The following PCF11 variants were observed in gnomAD, a reference collection of about 807,000 sequenced individuals.
PCF11 encodes pre-mRNA cleavage complex 2 protein Pcf11.
A neutral mutation model predicts 166.1 loss-of-function variants in PCF11; 19 were observed. The observed-to-expected ratio is 0.11, with a 90% confidence interval of 0.08 to 0.17. The LOEUF is 0.17. PCF11 is among the 10% of genes least tolerant of loss of function. The pLI is 1.00. For synonymous variants in PCF11, 663 were observed against 644.1 expected (o/e 1.03, Z -0.44); for missense variants, 1,565 against 1,855.5 (o/e 0.84, Z 2.88).
chr11:83,160,310 G>A (rs1024218720), intron 1 of PCF11, among the ~76,000 whole-genome samples: 1 of 148,520 alleles, frequency 6.7e-6, no homozygotes, highest in Non-Finnish European at 1.5e-5. Flanking sequence ...GGGTAAATGG[G>A]GATAACCTAA....
intron 9 of PCF11, among the ~76,000 whole-genome samples, chr11:83,173,535 TAGAG>T (rs1860763207): frequency 6.6e-6 from 1 of 150,936 alleles, no homozygotes; most frequent in Non-Finnish European, 1.5e-5. Flanking sequence ...TTTTTTTTTT[TAGAG>T]AATCAAATGA....
chr11:83,171,838 G>C (rs1860700878), exon 9 of PCF11: 1 of 1,595,742 alleles, frequency 6.3e-7, no homozygotes, highest in African/African-American at 1.3e-5. Flanking sequence ...GTGTTGCTCA[G>C]CCAGTAGCTT....
At chr11:83,164,281 A>G in exon 4 of PCF11, 1 of 1,613,828 alleles carries the variant, frequency 6.2e-7, no homozygotes. Context: ...TTCCTGATAT[A>G]CAAAAGAATC....
chr11:83,172,311 C>G (rs960852774), intron 9 of PCF11, among the ~76,000 whole-genome samples: 1 of 152,146 alleles, frequency 6.6e-6, no homozygotes, highest in African/African-American at 2.4e-5. Context: ...TTTGTGGGCA[C>G]TCAAATAGCA....
chr11:83,169,239 A>G, exon 8 of PCF11: 2 of 1,613,424 alleles, frequency 1.2e-6, no homozygotes, highest in Non-Finnish European at 1.7e-6. Context: ...CTGGTCTGAG[A>G]TTTGAGGGAC....
chr11:83,164,159 C>G (rs748222927), intron 3 of PCF11, 48 bp from the exon 4 acceptor site: 59 of 1,347,356 alleles, frequency 4.4e-5, no homozygotes, highest in Non-Finnish European at 6.0e-5. Context: ...TCCCTAGCTT[C>G]CGTTTTAGCT....
Position 83,161,309 on chromosome 11 carries a change from C to CA in PCF11, c.193-17dup, listed in dbSNP as rs1860244758. 1.3e-6 allele frequency: 2 copies of CA among 1,576,826 alleles called. No individual in the cohort carries two copies. Among genetic ancestry groups the CA allele is most frequent in the Non-Finnish European group, 1.7e-6 (2 of 1,163,074 alleles). On this transcript the variant is annotated splice_polypyrimidine_tract_variant and intron_variant, in intron 1 of 15. Transcript: ENST00000298281. Reference sequence around the variant, plus strand: ...TGGTAATTCATTATACTAAACTTCTCAGTTTCTTTTTATTCAGGCTCCTTC... The same window carrying CA: ...TGGTAATTCATTATACTAAACTTCTCAAGTTTCTTTTTATTCAGGCTCCTTC...
chr11:83,182,511 A>G lies in PCF11; in HGVS notation c.4416+20A>G, dbSNP rs202186977. ...GGAAAGGTAATTTTCATTTCTTTAT[A>G]AGGAAGTGTTAAGATTAGTGTTTTT... On this transcript the variant is annotated intron_variant, in intron 14 of 15. Transcript: ENST00000298281. 4.1e-5 allele frequency: 48 copies of G among 1,180,790 alleles called. No homozygotes were observed. The highest frequency in any genetic ancestry group is 5.8e-5 in the Non-Finnish European group (46 of 789,992). 73.1% of individuals were successfully genotyped at this position (1,180,790 alleles called of 1,614,324 possible).
rs558684887 is a variant in PCF11, at chr11:83,176,751, T to G, written c.3758-334T>G. On this transcript the variant is annotated intron_variant, in intron 9 of 15. Coordinates refer to ENST00000298281, the Ensembl canonical transcript of PCF11. ...TACCTAATGTAAATGACGAGTTGAT[T>G]GGTGCAGCAAATCAACATGGCACAT... Among the ~76,000 whole-genome samples, 163 of 152,000 alleles carry G rather than the reference T, an allele frequency of 1.1e-3. 1 individual carries two copies. The highest frequency in any genetic ancestry group is 1.7e-3 in the Non-Finnish European group (114 of 67,980).
In PCF11 at chr11:83,168,463, C is replaced by G. The variant is rs752488690; in HGVS notation, c.2128C>G (p.Arg710Gly). ...AGAGCAGAGATCTCCATTCAATGATCGTTTTCCACTTAAGCGACCTCGATA... is the reference window on the plus strand; with the variant it reads ...AGAGCAGAGATCTCCATTCAATGATGGTTTTCCACTTAAGCGACCTCGATA... The change falls in exon 8 of 16, where the codon CGT becomes GGT. Residue 710 changes from arginine to glycine, a missense_variant. Coordinates refer to ENST00000298281, the Ensembl canonical transcript of PCF11. The G allele has an allele frequency of 3.7e-6, 6 of 1,607,788 alleles. 1 individual carries two copies. Among genetic ancestry groups the G allele is most frequent in the South Asian group, 2.2e-5 (2 of 90,880 alleles).
intron 1 of PCF11, among the ~76,000 whole-genome samples, chr11:83,160,321 G>GTTTTTTT (rs35201107): frequency 4.1e-4 from 37 of 91,282 alleles, no homozygotes; most frequent in Admixed American, 5.1e-4. Context: ...GATAACCTAA[G>GTTTTTTT]TTTTTTTTTT....
At chr11:83,169,816 T>A (rs753160439) in exon 8 of PCF11, 1 of 1,613,608 alleles carries the variant, frequency 6.2e-7, no homozygotes, top group Non-Finnish European at 8.5e-7. Context: ...AATATTTGAT[T>A]CACCTCAAGG....
At position 83,166,333 on chromosome 11, in the gene PCF11, G is replaced by A. The variant is rs765888652; in HGVS notation, c.1436G>A (p.Arg479Gln). The A allele has an allele frequency of 1.1e-5, 18 of 1,613,654 alleles. No individual in the cohort carries two copies. In the African/African-American group the frequency reaches 1.6e-4, roughly 14 times the overall value. The change falls in exon 5 of 16, where the codon CGA (arginine) becomes CAA (glutamine). Residue 479 changes from arginine (R) to glutamine (Q), a missense_variant. By Grantham distance (43) the Arg-to-Gln change is conservative. Around this residue, in one of 12 missense-constraint regions of PCF11, gnomAD observed 468 missense variants for 483.4 expected, o/e 0.97. Transcript: ENST00000298281. ...CCAGGGAGATCGAGTACTAGAAAGC[G>A]ATCAAGATCTCGATCACCCAAGTCT...
In PCF11 at chr11:83,167,248, T is replaced by C. The variant is rs1860498751; in HGVS notation, c.1941T>C (p.Asp647=). ...AGCAACAGCATCGATTAAGTGTAGATGCCAATCTTCAGATTCCTAAAGAGT... is the reference window on the plus strand; with the variant it reads ...AGCAACAGCATCGATTAAGTGTAGACGCCAATCTTCAGATTCCTAAAGAGT... Residue 647 remains aspartate, a synonymous_variant, in exon 6 of 16, where the codon GAT becomes GAC. Coordinates refer to ENST00000298281, the Ensembl canonical transcript of PCF11. The surrounding 1 kb of genome is among the most constrained non-coding windows in gnomAD (Gnocchi z 4.2). 1.1e-5 allele frequency: 17 copies of C among 1,613,802 alleles called. No homozygotes were observed. The highest frequency in any genetic ancestry group is 1.4e-5 in the Non-Finnish European group (17 of 1,179,728).
intron 9 of PCF11, among the ~76,000 whole-genome samples, chr11:83,172,347 A>C (rs372134862): frequency 1.3e-5 from 2 of 152,212 alleles, no homozygotes; most frequent in Non-Finnish European, 2.9e-5. Context: ...AGCCAGGTTC[A>C]CTGATAAGCA....
At position 83,161,605 on chromosome 11, in the gene PCF11, A is replaced by G. The variant is rs547007767; in HGVS notation, c.318+153A>G. 1.3e-4 allele frequency among the ~76,000 whole-genome samples: 20 copies of G among 152,248 alleles called. No homozygotes were observed. The South Asian group carries it at 2.3e-3, about 17-fold the overall frequency. ...GTACCATTTCAAAGAAAGAGGCTGAAGTTAATGTTTTATGTTAGATTTTTA... is the reference window on the plus strand; with the variant it reads ...GTACCATTTCAAAGAAAGAGGCTGAGGTTAATGTTTTATGTTAGATTTTTA... On this transcript the variant is annotated intron_variant, in intron 2 of 15. Transcript: ENST00000298281.
chr11:83,165,910 T>C, exon 5 of PCF11: 1 of 1,607,762 alleles, frequency 6.2e-7, no homozygotes, highest in Non-Finnish European at 8.5e-7. Flanking sequence ...TCTGAAAAAC[T>C]AAATTCATCC....
At chr11:83,182,180 C>G (rs2135447911) in intron 13 of PCF11, among the ~76,000 whole-genome samples, 171 bp downstream of exon 13, 1 of 152,310 alleles carries the variant, frequency 6.6e-6, no homozygotes, top group Admixed American at 6.5e-5. Flanking sequence ...AGTTTCATAA[C>G]TACAGTGGCC....
rs901846945 is a variant in PCF11, at chr11:83,161,516, ATTTGC to A, written c.318+69_318+73del. The A allele has an allele frequency of 4.4e-5, 57 of 1,290,790 alleles. No individual in the cohort carries two copies. In the African/African-American group the frequency reaches 7.8e-4, roughly 18 times the overall value. The allele number at this position is 1,290,790 out of a possible 1,614,324, so 80.0% of individuals were successfully genotyped here. On this transcript the variant is annotated intron_variant, in intron 2 of 15. Coordinates refer to ENST00000298281, the Ensembl canonical transcript of PCF11. The stretch of plus-strand genomic sequence containing the variant: ...AAAATGTGTTCCTGATTAAATAAAT[ATTTGC>A]TTTGTGTTGGGTTTTCTTGGGTGGT...
Sources: allele counts gnomAD v4.1 joint callset (sites outside exome capture counted in the v4.1 genomes callset), GRCh38; gene constraint gnomAD v4.1.1; regional missense constraint gnomAD v4.1.1; non-coding constraint Gnocchi (gnomAD v3.1); transcripts MANE v1.5; gene names NCBI Gene and HGNC (gene_info 2026-07-23, HGNC 2026-07-21).